Variants in AMPD3 observed in about 807,000 individuals in gnomAD.
AMPD3 encodes the protein AMP deaminase 3.
AMPD3 carries 57 observed loss-of-function variants against 82.3 expected under a neutral mutation model. The observed-to-expected ratio is 0.69, with a 90% CI of 0.56 to 0.86. The LOEUF (loss-of-function observed/expected upper bound fraction) is 0.86. AMPD3 is among the 40% of genes least tolerant of loss of function. The pLI is 0.00. For synonymous variants in AMPD3, 381 were observed against 394.7 expected, an observed-to-expected ratio of 0.97 and a Z score of 0.41; for missense variants, 870 against 1,003.8, an observed-to-expected ratio of 0.87 and a Z score of 1.80.
chr11:10,502,294 C>T (rs1849601532), intron 12 of AMPD3: 3 of 985,342 alleles, frequency 3.0e-6, no homozygotes, highest in Non-Finnish European at 3.6e-6. Context: ...GGGATCATCT[C>T]CCAGGAGCTG....
rs186794957 is a variant in AMPD3 at position 10,496,151 on chromosome 11, G to A, written c.1430+418G>A. Reference sequence around the variant, plus strand: ...AGGCTGGTCTTGAACTCCTGACCTCGTGATCCACCTGCCTCAGCCTCCCAA... The same window carrying A: ...AGGCTGGTCTTGAACTCCTGACCTCATGATCCACCTGCCTCAGCCTCCCAA... On this transcript the variant is annotated intron_variant, in intron 9 of 14. Transcript: ENST00000396553. 1.9e-4 allele frequency: 163 copies of A among 857,646 alleles called. 1 individual carries two copies. In the East Asian group the frequency reaches 0.017, roughly 87 times the overall value. The allele number at this position is 857,646 out of a possible 1,614,324, so 53.1% of individuals were successfully genotyped here.
chr11:10,464,093 TG>T (rs1451682856), intron 2 of AMPD3, among the ~76,000 whole-genome samples: 1 of 152,152 alleles, frequency 6.6e-6, no homozygotes, highest in Non-Finnish European at 1.5e-5. Context: ...GCTACCTTCA[TG>T]GGGTGTTGTG....
At chr11:10,500,274 T>G (rs1178577560) in intron 11 of AMPD3, 25 bp downstream of exon 11, 4 of 1,613,914 alleles carry the variant, frequency 2.5e-6, no homozygotes, top group Non-Finnish European at 2.5e-6. Flanking sequence ...CCCTCGCACA[T>G]GCTTGGGTTC....
At chr11:10,464,973 C>T (rs755213027) in intron 2 of AMPD3, among the ~76,000 whole-genome samples, 22 of 152,176 alleles carry the variant, frequency 1.4e-4, no homozygotes, top group Non-Finnish European at 2.8e-4. Flanking sequence ...GGGGTCAGAC[C>T]TATTGGGTTC....
chr11:10,496,373 C>A lies in AMPD3; in HGVS notation c.1431-439C>A, dbSNP rs540742276. The A allele has an allele frequency of 5.1e-6, 5 of 985,452 alleles. No homozygotes were observed. In the Admixed American group the frequency reaches 3.1e-4, roughly 60 times the overall value. The allele number at this position is 985,452 out of a possible 1,614,324, so 61.0% of individuals were successfully genotyped here. ...GTAGTGGTCTACATTGCTGGCCTCT[C>A]CCTGGATGTCACTCAGACGGCTGCT... On this transcript the variant is annotated intron_variant, in intron 9 of 14. Coordinates refer to ENST00000396553, the MANE Select transcript of AMPD3 (RefSeq NM_001025389.2).
rs552312872 is a variant in AMPD3, at chr11:10,501,354, C to G, written c.1722-116C>G. 448 of 1,515,346 alleles carry G rather than the reference C, an allele frequency of 3.0e-4. 1 individual carries two copies. The African/African-American group carries it at 5.4e-3, about 18-fold the overall frequency. The allele number at this position is 1,515,346 out of a possible 1,614,324, so 93.9% of individuals were successfully genotyped here. A position where few individuals can be genotyped will look rare whatever the true frequency, so the allele number is the denominator to read the frequency against. On this transcript the variant is annotated intron_variant, in intron 11 of 14. Transcript: ENST00000396553. ...TAGTTTCCAGGGTGCACTGGGTCAGCACAGCTGACCATGGGTGGTCATTCC... is the reference window on the plus strand; with the variant it reads ...TAGTTTCCAGGGTGCACTGGGTCAGGACAGCTGACCATGGGTGGTCATTCC...
Position 10,495,603 on chromosome 11 carries a change from C to T in AMPD3, c.1300C>T (p.Gln434Ter), listed in dbSNP as rs765301994. ...CCGGGAGCTGGAGGAGAGCAAGTAC[C>T]AGTACTCAGAGCCACGGCTCTCCAT... ...VARELEESKY[Q>*]YSEPRLSIYG... Residue 434 changes from glutamine to a stop codon, truncating the protein, a stop_gained, in exon 9 of 15, where the codon CAG (glutamine) becomes TAG (stop). Transcript: ENST00000396553. LOFTEE classifies it high-confidence loss of function. 1.2e-6 allele frequency: 2 copies of T among 1,613,356 alleles called. No individual in the cohort carries two copies. Among genetic ancestry groups the T allele is most frequent in the East Asian group, 2.2e-5 (1 of 44,886 alleles).
chr11:10,455,879 G>A, intron 1 of AMPD3: 1 of 984,076 alleles, frequency 1.0e-6, no homozygotes. Flanking sequence ...CAATCCCCTT[G>A]ATAAAATGCA....
chr11:10,464,535 C>G (rs950980155), intron 2 of AMPD3, among the ~76,000 whole-genome samples: 9 of 152,116 alleles, frequency 5.9e-5, no homozygotes, highest in African/African-American at 1.7e-4. Flanking sequence ...AGGTGCTGCT[C>G]CCTAGAATGT....
In AMPD3 at chr11:10,496,750, G is replaced by T. The variant is rs1849414277; in HGVS notation, c.1431-62G>T. ...GTGCCTGAGGAAGTGACTGGGGCTG[G>T]TCTCTGACAGGGCAGCAGGCTGTTG... On this transcript the variant is annotated intron_variant, in intron 9 of 14. Transcript: ENST00000396553. The T allele has an allele frequency of 3.1e-6, 5 of 1,613,530 alleles. No individual in the cohort carries two copies. In the Admixed American group the frequency reaches 8.3e-5, roughly 27 times the overall value.
At chr11:10,470,384 A>G (rs1464249994) in intron 2 of AMPD3, among the ~76,000 whole-genome samples, 2 of 152,238 alleles carry the variant, frequency 1.3e-5, no homozygotes, top group East Asian at 3.8e-4. Context: ...AACTGGAAGC[A>G]TTCCCTTTGA....
Position 10,460,409 on chromosome 11 carries a change from C to CT in AMPD3, c.-5-1091dup, listed in dbSNP as rs34448488. Among the ~76,000 whole-genome samples, 354 of 142,204 alleles carry CT rather than the reference C, an allele frequency of 2.5e-3. 2 individuals are homozygous for CT. The highest frequency in any genetic ancestry group is 2.0e-3 in the Non-Finnish European group (134 of 65,518). The allele number at this position is 142,204 out of a possible 152,430, so 93.3% of individuals were successfully genotyped here. ...CCACCACACCCGGCCCCAGAGTATA[C>CT]TTTTTTTTTTTTTTTGAGGCAGAGT... On this transcript the variant is annotated intron_variant, in intron 1 of 14. Transcript: ENST00000396553.
intron 2 of AMPD3, 124 bp from the exon 3 acceptor site, chr11:10,478,402 G>A: frequency 6.3e-7 from 1 of 1,578,080 alleles, no homozygotes; most frequent in Non-Finnish European, 8.6e-7. Flanking sequence ...CTTCTTAATG[G>A]TAGGGCCAGC....
At chr11:10,476,220 A>C (rs944127516) in intron 2 of AMPD3, among the ~76,000 whole-genome samples, 1 of 152,162 alleles carries the variant, frequency 6.6e-6, no homozygotes, top group African/African-American at 2.4e-5. Flanking sequence ...GAGTTAGCCT[A>C]TCTGTGGTTA....
At chr11:10,460,743 C>CA (rs1848245741) in intron 1 of AMPD3, 1 of 320,740 alleles carries the variant, frequency 3.1e-6, no homozygotes, top group Non-Finnish European at 4.5e-6. Flanking sequence ...CAAGTAATTG[C>CA]AAAAAAGGAA....
rs1339438826 is a variant in AMPD3 at position 10,502,087 on chromosome 11, A to G, written c.1842+497A>G. On this transcript the variant is annotated intron_variant, in intron 12 of 14. Transcript: ENST00000396553. ...GGGCACAGAGTCCATCCACCTTTTC[A>G]CTGGTGTACCCTTGAGCTCTGTGCA... is the stretch of plus-strand genomic sequence containing the variant. The G allele has an allele frequency of 5.1e-6, 5 of 985,198 alleles. No individual in the cohort carries two copies. The South Asian group carries it at 1.4e-4, about 28-fold the overall frequency. The allele number at this position is 985,198 out of a possible 1,614,324, so 61.0% of individuals were successfully genotyped here.
upstream of AMPD3, among the ~76,000 whole-genome samples, chr11:10,451,618 T>G (rs948840664): frequency 3.3e-5 from 5 of 152,212 alleles, no homozygotes; most frequent in Non-Finnish European, 7.3e-5. Context: ...GGGAGAGTTT[T>G]GAGAGGCCTT....
At chr11:10,463,657 C>T (rs1848334638) in intron 2 of AMPD3, among the ~76,000 whole-genome samples, 1 of 152,224 alleles carries the variant, frequency 6.6e-6, no homozygotes, top group South Asian at 2.1e-4. Context: ...GACACTGGGC[C>T]TGACATCTGC....
chr11:10,475,300 A>G (rs1372163203), intron 2 of AMPD3, among the ~76,000 whole-genome samples: 2 of 152,116 alleles, frequency 1.3e-5, no homozygotes, highest in African/African-American at 2.4e-5. Flanking sequence ...GTGCTAGACC[A>G]TTCATGAAGG....
Sources: gnomAD v4.1 joint callset for allele counts (sites outside exome capture counted in the v4.1 genomes callset) on GRCh38, gnomAD v4.1.1 for gene constraint, MANE v1.5 for transcripts, NCBI Gene and HGNC (gene_info 2026-07-23, HGNC 2026-07-21) for gene names.